CCDC141: variants seen among roughly 807,000 people sequenced by gnomAD.
The protein encoded by CCDC141 is coiled-coil domain containing 141.
CCDC141 carries 168 observed loss-of-function variants against 181.0 expected under a neutral mutation model. The observed-to-expected ratio is 0.93, with a 90% CI of 0.82 to 1.05. The LOEUF is 1.05. CCDC141 is among the 50% of genes least tolerant of loss of function. CCDC141 has a pLI of 0.00. For synonymous variants in CCDC141, 666 were observed against 642.3 expected, an observed-to-expected ratio of 1.04 and a Z score of -0.56; for missense variants, 1,902 against 1,788.5, an observed-to-expected ratio of 1.06 and a Z score of -1.14.
At chr2:178,900,294 A>T (rs981204116) in intron 8 of CCDC141, among the ~76,000 whole-genome samples, 1 of 152,112 alleles carries the variant, frequency 6.6e-6, no homozygotes, top group Admixed American at 6.6e-5. Context: ...TGTCTCTTTG[A>T]AAAACAATAA....
chr2:178,862,880 T>A (rs1685682192), intron 17 of CCDC141, among the ~76,000 whole-genome samples: 1 of 152,200 alleles, frequency 6.6e-6, no homozygotes, highest in African/African-American at 2.4e-5. Context: ...GGGCTTTCAG[T>A]GAAGTTAAGA....
At chr2:178,841,099 A>G (rs1329800265) in intron 22 of CCDC141, among the ~76,000 whole-genome samples, 1 of 152,190 alleles carries the variant, frequency 6.6e-6, no homozygotes, top group Non-Finnish European at 1.5e-5. Context: ...CTTATGCTGA[A>G]TTTGTAGTCA....
intron 8 of CCDC141, among the ~76,000 whole-genome samples, chr2:178,898,864 T>C (rs1687540689): frequency 6.6e-6 from 1 of 152,170 alleles, no homozygotes; most frequent in Non-Finnish European, 1.5e-5. Context: ...CCTGCCTCAA[T>C]ACTAAATTAA....
chr2:178,975,227 T>C (rs774625925), intron 3 of CCDC141, 62 bp from the exon 4 acceptor site: 4 of 833,376 alleles, frequency 4.8e-6, no homozygotes, highest in East Asian at 2.7e-5. Flanking sequence ...GTGCCATTGT[T>C]AGTTACCTGG....
chr2:178,998,261 G>C (rs1484232044), intron 2 of CCDC141, among the ~76,000 whole-genome samples: 1 of 152,048 alleles, frequency 6.6e-6, no homozygotes, highest in East Asian at 1.9e-4. Context: ...ACTGTCACTT[G>C]TTCAAATAAA....
At chr2:178,825,208 G>A (rs1684105802), downstream of CCDC141, 1 of 152,104 alleles carries the variant, frequency 6.6e-6, no homozygotes, top group East Asian at 1.9e-4. Context: ...TACTTTTAAA[G>A]GTGTAATACA....
In CCDC141 at chr2:178,837,049, T is replaced by C; in HGVS notation, c.4170A>G (p.Glu1390=). ...RGYQRQMVPR[E]EIKSTSAKSS... is the part of the protein sequence containing the mutation. ...TCTTTGCTGATGTGCTTTTAATCTC[T>C]TCTCGAGGAACCATTTGCCTCTGAT... The change falls in exon 23 of 24, where the codon GAA becomes GAG. Residue 1390 remains glutamate, a synonymous_variant. Transcript: ENST00000443758. 6.2e-7 allele frequency: 1 copy of C among 1,614,042 alleles called. No individual in the cohort carries two copies. Among genetic ancestry groups the C allele is most frequent in the Non-Finnish European group, 8.5e-7 (1 of 1,179,960 alleles).
At position 179,050,078 on chromosome 2, in the gene CCDC141, A is replaced by C. The variant is rs948143761; in HGVS notation, c.-137T>G. 51 of 1,356,446 alleles carry C rather than the reference A, an allele frequency of 3.8e-5. 1 individual carries two copies. The African/African-American group carries it at 6.7e-4, about 18-fold the overall frequency. 84.0% of individuals were successfully genotyped at this position (1,356,446 alleles called of 1,614,324 possible). On this transcript the variant is annotated 5_prime_UTR_variant, in exon 1 of 24. Transcript: ENST00000443758. ...TCACACTGATTACTCTGCCAAAAGG[A>C]AAGAACAGGAGGTTAAAAATAGACA... is the stretch of plus-strand genomic sequence containing the variant.
chr2:179,028,026 C>A (rs966902401), intron 2 of CCDC141, among the ~76,000 whole-genome samples: 10 of 152,100 alleles, frequency 6.6e-5, no homozygotes, highest in African/African-American at 1.9e-4. Context: ...GTTTCCTGAA[C>A]TGCCTAGAAA....
Position 178,865,837 on chromosome 2 carries a change from T to C in CCDC141, c.2654A>G (p.Lys885Arg), listed in dbSNP as rs1193978091. 6.2e-7 allele frequency: 1 copy of C among 1,607,530 alleles called. No individual in the cohort carries two copies. The highest frequency in any genetic ancestry group is 1.1e-5 in the South Asian group (1 of 90,032). The part of the protein sequence containing the change: ...LEEDSMKWRA[K>R]AEEYGRTLSR... ...CAGGGTCCGTCCATACTCCTCAGCT[T>C]TGGCACGCCACTTCATGCTGTCCTC... is the stretch of plus-strand genomic sequence containing the variant. Residue 885 changes from lysine (K) to arginine (R), a missense_variant, in exon 17 of 24, where the codon AAA becomes AGA. Lys to Arg is a conservative substitution (Grantham distance 26). Coordinates refer to ENST00000443758, the MANE Select transcript of CCDC141 (RefSeq NM_173648.4).
rs78927799 is a variant in CCDC141 at position 178,868,887 on chromosome 2, G to C, written c.2394+230C>G. On this transcript the variant is annotated intron_variant, in intron 15 of 23. Transcript: ENST00000443758. The stretch of plus-strand genomic sequence containing the variant: ...CTTGTCAAATAATGGCAGCCTGAGA[G>C]TCAAGGGTTGGAGTTAGGGATGTGT... Among the ~76,000 whole-genome samples, 1,302 of 152,216 alleles carry C rather than the reference G, an allele frequency of 8.6e-3. 22 individuals are homozygous for C. The highest frequency in any genetic ancestry group is 0.03 in the African/African-American group (1,244 of 41,534).
At chr2:179,011,535 C>T (rs1287611407) in intron 2 of CCDC141, among the ~76,000 whole-genome samples, 1 of 152,058 alleles carries the variant, frequency 6.6e-6, no homozygotes, top group Non-Finnish European at 1.5e-5. Flanking sequence ...GACTTCAATA[C>T]CCCACTGACA....
intron 10 of CCDC141, among the ~76,000 whole-genome samples, chr2:178,886,191 C>T (rs975193511): frequency 4.6e-5 from 7 of 151,168 alleles, no homozygotes; most frequent in Non-Finnish European, 1.0e-4. Flanking sequence ...ACTCATGTTC[C>T]TTAAACTTTG....
At chr2:178,975,973 T>C (rs1691104054) in intron 3 of CCDC141, among the ~76,000 whole-genome samples, 1 of 152,146 alleles carries the variant, frequency 6.6e-6, no homozygotes, top group Non-Finnish European at 1.5e-5. Context: ...TCAAGGAAAA[T>C]GCATAGTAAT....
chr2:178,994,408 T>G (rs1692191828), intron 2 of CCDC141, among the ~76,000 whole-genome samples: 1 of 152,210 alleles, frequency 6.6e-6, no homozygotes, highest in Non-Finnish European at 1.5e-5. Context: ...AGCTCTGTGT[T>G]GGTCCCTTTC....
At chr2:179,035,792 A>T (rs2043128852) in intron 2 of CCDC141, among the ~76,000 whole-genome samples, 2 of 152,192 alleles carry the variant, frequency 1.3e-5, no homozygotes, top group South Asian at 4.1e-4. Flanking sequence ...GGGGCCCAGA[A>T]TATGGCACAG....
intron 17 of CCDC141, among the ~76,000 whole-genome samples, chr2:178,865,252 C>T (rs1249431626): frequency 6.6e-6 from 1 of 152,136 alleles, no homozygotes; most frequent in African/African-American, 2.4e-5. Flanking sequence ...AGCCACTTGA[C>T]CTCAGTGCTA....
intron 8 of CCDC141, among the ~76,000 whole-genome samples, chr2:178,893,811 A>ACGCG (rs1475566243): frequency 7.2e-6 from 1 of 138,748 alleles, no homozygotes; most frequent in African/African-American, 2.8e-5. Context: ...ACACACACAC[A>ACGCG]CACACACACA....
chr2:178,982,118 C>T (rs1254808215), intron 2 of CCDC141, among the ~76,000 whole-genome samples: 1 of 151,982 alleles, frequency 6.6e-6, no homozygotes, highest in African/African-American at 2.4e-5. Context: ...TCTGAACAAG[C>T]CTATATCTAT....
Sources: gnomAD v4.1 joint callset for allele counts (sites outside exome capture counted in the v4.1 genomes callset) on GRCh38, gnomAD v4.1.1 for gene constraint, MANE v1.5 for transcripts, NCBI Gene and HGNC (gene_info 2026-07-23, HGNC 2026-07-21) for gene names.